YWHAB: variants seen among roughly 807,000 people sequenced by gnomAD.
YWHAB encodes the protein tyrosine 3-monooxygenase/tryptophan 5-monooxygenase activation protein beta, also known as 14-3-3 protein beta/alpha.
Under a neutral mutation model 28.5 loss-of-function variants are expected in YWHAB, and 2 were observed. That is an observed-to-expected ratio of 0.07 (90% CI 0.03 to 0.22). The LOEUF (loss-of-function observed/expected upper bound fraction) is 0.22. Ranked by LOEUF, YWHAB falls within the 10% of genes least tolerant of loss-of-function variation. YWHAB has a pLI of 1.00. For missense variants in YWHAB, 148 were observed against 297.1 expected, an observed-to-expected ratio of 0.50 and a Z score of 3.69; for synonymous variants, 103 against 104.7, an observed-to-expected ratio of 0.98 and a Z score of 0.10.
At position 44,900,161 on chromosome 20, in the gene YWHAB, C is replaced by T. The variant is rs140777885; in HGVS notation, c.-3-1370C>T. Among the ~76,000 whole-genome samples, 8 of 152,236 alleles carry T rather than the reference C, an allele frequency of 5.3e-5. No homozygotes were observed. In the East Asian group the frequency reaches 1.2e-3, roughly 22 times the overall value. ...ACTCTGGGCTCAAGTGATCCTCCCA[C>T]CTCAGCCTCCTGAGTAGCTGGGACT... On this transcript the variant is annotated intron_variant, in intron 1 of 5. Transcript: ENST00000353703.
rs2066663275 is a variant in YWHAB, at chr20:44,907,238, G to T, written c.*800G>T. ...CACTGAGCTAAAGAAAAAAAGCCGT[G>T]TGTTTTATGAATGACCTTATCTGTT... On this transcript the variant is annotated 3_prime_UTR_variant, in exon 6 of 6. Transcript: ENST00000353703. The T allele has an allele frequency of 6.6e-6, 1 of 152,338 alleles. No homozygotes were observed. The highest frequency in any genetic ancestry group is 1.5e-5 in the Non-Finnish European group (1 of 68,048). 9.4% of individuals were successfully genotyped at this position (152,338 alleles called of 1,614,324 possible).
intron 4 of YWHAB, chr20:44,905,703 GTAAT>G: frequency 4.0e-6 from 1 of 247,716 alleles, no homozygotes; most frequent in Non-Finnish European, 7.6e-6. Context: ...AAAGTCTTTG[GTAAT>G]TAAAAAATCA....
intron 1 of YWHAB, among the ~76,000 whole-genome samples, chr20:44,901,011 T>C (rs184250222): frequency 1.6e-4 from 24 of 152,314 alleles, no homozygotes; most frequent in African/African-American, 5.8e-4. Context: ...CCTGACCTCG[T>C]GAATTGCCCT....
At chr20:44,896,368 G>A (rs1374868458) in intron 1 of YWHAB, among the ~76,000 whole-genome samples, 1 of 152,202 alleles carries the variant, frequency 6.6e-6, no homozygotes, top group Non-Finnish European at 1.5e-5. Flanking sequence ...GAGCCACACT[G>A]TGAAGAATCT....
Position 44,892,288 on chromosome 20 carries a change from A to G in YWHAB, c.-4+6402A>G, listed in dbSNP as rs553519218. Among the ~76,000 whole-genome samples the G allele has an allele frequency of 1.2e-3, 176 of 152,288 alleles. 1 individual carries two copies. The highest frequency in any genetic ancestry group is 1.8e-3 in the Non-Finnish European group (121 of 68,028). On this transcript the variant is annotated intron_variant, in intron 1 of 5. Coordinates refer to ENST00000353703, the MANE Select transcript of YWHAB (RefSeq NM_139323.4). ...TTGGCCTTTGATTTTTATCTCATCTAGAAAAACATACATGCACTTTATTAA... is the reference window on the plus strand; with the variant it reads ...TTGGCCTTTGATTTTTATCTCATCTGGAAAAACATACATGCACTTTATTAA...
chr20:44,886,817 C>T (rs2066530969), intron 1 of YWHAB: 1 of 152,164 alleles, frequency 6.6e-6, no homozygotes, highest in South Asian at 2.1e-4. Context: ...ATTTGCCAAC[C>T]TTTCTGTAAA....
intron 1 of YWHAB, 168 bp downstream of exon 1, chr20:44,886,054 C>A (rs1347690120): frequency 6.6e-6 from 1 of 152,274 alleles, no homozygotes; most frequent in East Asian, 1.9e-4. Flanking sequence ...TCGCAGCGGC[C>A]CCTCCCTGTT....
chr20:44,888,084 G>GATAT (rs2066538691), intron 1 of YWHAB, among the ~76,000 whole-genome samples: 1 of 152,136 alleles, frequency 6.6e-6, no homozygotes, highest in Admixed American at 6.5e-5. Context: ...TGCAGCTTTT[G>GATAT]ATATATTTTT....
chr20:44,893,485 T>C lies in YWHAB; in HGVS notation c.-4+7599T>C, dbSNP rs549946185. ...GAAAATGAGGATATAATAATGTTAT[T>C]ACCCAGAGACAGAACCAGTGTTAAC... On this transcript the variant is annotated intron_variant, in intron 1 of 5. Coordinates refer to ENST00000353703, the MANE Select transcript of YWHAB (RefSeq NM_139323.4). 5.9e-5 allele frequency among the ~76,000 whole-genome samples: 9 copies of C among 152,324 alleles called. No individual in the cohort carries two copies. In the South Asian group the frequency reaches 8.3e-4, roughly 14 times the overall value.
intron 2 of YWHAB, 191 bp downstream of exon 2, chr20:44,902,024 C>T: frequency 1.8e-6 from 1 of 541,140 alleles, no homozygotes. Context: ...AGAGGTTGTA[C>T]ATCACTTCTG....
rs1431911538 is a variant in YWHAB at position 44,901,635 on chromosome 20, G to A, written c.102G>A (p.Gln34=). ...MAAAMKAVTE[Q]GHELSNEERN... is the part of the protein sequence containing the mutation. Reference sequence around the variant, plus strand: ...CAGCCATGAAGGCAGTCACAGAACAGGGGCATGAACTCTCCAACGAAGAGA... The same window carrying A: ...CAGCCATGAAGGCAGTCACAGAACAAGGGCATGAACTCTCCAACGAAGAGA... Residue 34 remains glutamine, a synonymous_variant, in exon 2 of 6, where the codon CAG becomes CAA. Transcript: ENST00000353703. The A allele has an allele frequency of 1.2e-6, 2 of 1,614,050 alleles. No individual in the cohort carries two copies. Among genetic ancestry groups the A allele is most frequent in the East Asian group, 2.2e-5 (1 of 44,894 alleles).
rs45467003 is a variant in YWHAB, at chr20:44,906,528, G to A, written c.*90G>A. 0.037 allele frequency: 17,189 copies of A among 458,490 alleles called. 1,062 individuals carry two copies. The highest frequency in any genetic ancestry group is 0.089 in the South Asian group (2,433 of 27,352). 28.4% of individuals were successfully genotyped at this position (458,490 alleles called of 1,614,324 possible). A position where few individuals can be genotyped will look rare whatever the true frequency, so the allele number is the denominator to read the frequency against. On this transcript the variant is annotated 3_prime_UTR_variant, in exon 6 of 6. Transcript: ENST00000353703. ...ATAAAAAAAAAAAAAAAAAAAAAAA[G>A]AGAATCGTACGTCGACTTTCGATTT...
chr20:44,890,459 A>C (rs1177938599), intron 1 of YWHAB, among the ~76,000 whole-genome samples: 1 of 142,886 alleles, frequency 7.0e-6, no homozygotes, highest in Non-Finnish European at 1.5e-5. Flanking sequence ...TAGGCCTTGT[A>C]CTCCACATTG....
In YWHAB at chr20:44,904,019, C is replaced by T; in HGVS notation, c.327C>T (p.Pro109=). 1 of 1,596,338 alleles carries T rather than the reference C, an allele frequency of 6.3e-7. No individual in the cohort carries two copies. Among genetic ancestry groups the T allele is most frequent in the East Asian group, 2.3e-5 (1 of 44,402 alleles). The change falls in exon 3 of 6, where the codon CCC becomes CCT. Residue 109 remains proline (P), a synonymous_variant. Transcript: ENST00000353703. ...VLELLDKYLI[P]NATQPESKVF... ...AGCTGTTGGACAAATATCTTATTCC[C>T]AATGCTACACAACCAGAAAGTAAGG...
chr20:44,904,709 A>G (rs2066646722), intron 3 of YWHAB, among the ~76,000 whole-genome samples: 1 of 152,206 alleles, frequency 6.6e-6, no homozygotes, highest in Admixed American at 6.5e-5. Context: ...CACATTCTAT[A>G]TTGTTAAAGG....
chr20:44,887,341 C>T (rs571785234), intron 1 of YWHAB: 1 of 152,178 alleles, frequency 6.6e-6, no homozygotes, highest in Non-Finnish European at 1.5e-5. Flanking sequence ...ATTTTCCTGG[C>T]CTGTCCTTCC....
At chr20:44,891,325 T>TG (rs1210450081) in intron 1 of YWHAB, among the ~76,000 whole-genome samples, 1 of 152,078 alleles carries the variant, frequency 6.6e-6, no homozygotes, top group East Asian at 1.9e-4. Flanking sequence ...AGGCTGGTCT[T>TG]GAACTCCTGA....
rs2066666373 is a variant in YWHAB, at chr20:44,907,637, C to T, written c.*1199C>T. On this transcript the variant is annotated 3_prime_UTR_variant, in exon 6 of 6. Coordinates refer to ENST00000353703, the MANE Select transcript of YWHAB (RefSeq NM_139323.4). ...TCTCTTCTAAGTTTCTGTCCCTCTG[C>T]TTCCTTACTTTTTTTCCTTTTTGAA... 1 of 152,130 alleles carries T rather than the reference C, an allele frequency of 6.6e-6. No individual in the cohort carries two copies. Among genetic ancestry groups the T allele is most frequent in the African/African-American group, 2.4e-5 (1 of 41,422 alleles). The allele number at this position is 152,130 out of a possible 1,614,324, so 9.4% of individuals were successfully genotyped here.
At position 44,904,082 on chromosome 20, in the gene YWHAB, T is replaced by C; in HGVS notation, c.390T>C (p.Tyr130=). The change falls in exon 3 of 6, where the codon TAT becomes TAC. Residue 130 remains tyrosine (Y), a synonymous_variant. Coordinates refer to ENST00000353703, the MANE Select transcript of YWHAB (RefSeq NM_139323.4). The stretch of plus-strand genomic sequence containing the variant: ...AAATGAAAGGAGATTATTTTAGGTA[T>C]CTTTCTGAAGTGGCATCTGGAGACA... The part of the protein sequence containing the change: ...YLKMKGDYFR[Y]LSEVASGDNK... 1 of 1,611,000 alleles carries C rather than the reference T, an allele frequency of 6.2e-7. No individual in the cohort carries two copies.
Sources: allele counts gnomAD v4.1 joint callset (sites outside exome capture counted in the v4.1 genomes callset), GRCh38; gene constraint gnomAD v4.1.1; transcripts MANE v1.5; gene names NCBI Gene and HGNC (gene_info 2026-07-23, HGNC 2026-07-21).